Variants in IL34 observed in about 807,000 individuals in gnomAD.
IL34 encodes the protein interleukin 34.
Under a neutral mutation model 25.3 loss-of-function variants are expected in IL34, and 17 were observed. That is an observed-to-expected ratio of 0.67 (90% CI 0.46 to 1.01). The LOEUF is 1.01. Among genes scored for constraint, IL34 ranks in the 50% least tolerant of loss-of-function variants. IL34 has a pLI of 0.00. For missense variants in IL34, 368 were observed against 312.9 expected, an observed-to-expected ratio of 1.18 and a Z score of -1.33; for synonymous variants, 174 against 140.9, an observed-to-expected ratio of 1.23 and a Z score of -1.66.
chr16:70,596,132 C>T (rs1297967940), intron 1 of IL34, among the ~76,000 whole-genome samples: 5 of 152,142 alleles, frequency 3.3e-5, no homozygotes, highest in Non-Finnish European at 7.3e-5. Context: ...GGTGTGGGCC[C>T]TTGTCCTAGG....
chr16:70,655,584 G>A (rs912573431), intron 2 of IL34, among the ~76,000 whole-genome samples: 15 of 152,060 alleles, frequency 9.9e-5, no homozygotes, highest in African/African-American at 2.4e-4. Flanking sequence ...TAGAGACAGG[G>A]GTTCACCATG....
chr16:70,639,289 T>G (rs1385375530), intron 1 of IL34, among the ~76,000 whole-genome samples: 1 of 152,190 alleles, frequency 6.6e-6, no homozygotes, highest in South Asian at 2.1e-4. Context: ...CAATCTTGTT[T>G]GAGAAGCAGG....
intron 1 of IL34, among the ~76,000 whole-genome samples, chr16:70,631,132 T>C (rs1010646744): frequency 3.9e-5 from 6 of 152,228 alleles, no homozygotes; most frequent in African/African-American, 1.4e-4. Context: ...TATTAAGAAG[T>C]TTCCTTATAT....
chr16:70,609,790 G>A (rs2051063982), intron 1 of IL34, among the ~76,000 whole-genome samples: 2 of 152,216 alleles, frequency 1.3e-5, no homozygotes, highest in African/African-American at 4.8e-5. Flanking sequence ...GCAACCCCAT[G>A]AGGCTGGCAT....
chr16:70,619,355 GGAA>G (rs1264575231), intron 1 of IL34, among the ~76,000 whole-genome samples: 1 of 152,090 alleles, frequency 6.6e-6, no homozygotes, highest in Non-Finnish European at 1.5e-5. Context: ...CTTTGGATTG[GGAA>G]GAAGGGTGGC....
chr16:70,625,839 G>T (rs1414000806), intron 1 of IL34, among the ~76,000 whole-genome samples: 2 of 152,160 alleles, frequency 1.3e-5, no homozygotes, highest in East Asian at 3.8e-4. Context: ...AGGGAGATTG[G>T]AAAAGAGAGT....
At chr16:70,581,166 C>A (rs1461548754) in intron 1 of IL34, among the ~76,000 whole-genome samples, 3 of 152,288 alleles carry the variant, frequency 2.0e-5, no homozygotes, top group Non-Finnish European at 4.4e-5. Flanking sequence ...CCCACCTCGG[C>A]CTCCCAAAGT....
At chr16:70,634,580 T>C (rs940275447) in intron 1 of IL34, among the ~76,000 whole-genome samples, 21 of 151,574 alleles carry the variant, frequency 1.4e-4, no homozygotes, top group African/African-American at 4.6e-4. Flanking sequence ...CTCAGGAGGC[T>C]GAGGCAGGAG....
intron 4 of IL34, among the ~76,000 whole-genome samples, chr16:70,657,840 T>G (rs1468689172): frequency 6.6e-6 from 1 of 152,152 alleles, no homozygotes; most frequent in African/African-American, 2.4e-5. Context: ...ACATCATGCA[T>G]TTGTCACAAC....
chr16:70,628,499 T>G (rs544862190), intron 1 of IL34, among the ~76,000 whole-genome samples: 31 of 151,592 alleles, frequency 2.0e-4, no homozygotes, highest in African/African-American at 6.5e-4. Context: ...ATTTATTTTT[T>G]TTTTTGAGAC....
chr16:70,643,272 C>T (rs1358383513), upstream of IL34, among the ~76,000 whole-genome samples: 2 of 152,184 alleles, frequency 1.3e-5, no homozygotes, highest in African/African-American at 2.4e-5. Context: ...CCATATTGGC[C>T]AGGCTGGTCT....
At chr16:70,622,400 A>T (rs1370501350) in intron 1 of IL34, among the ~76,000 whole-genome samples, 3 of 152,052 alleles carry the variant, frequency 2.0e-5, no homozygotes, top group Non-Finnish European at 1.5e-5. Flanking sequence ...GTAGAACAGC[A>T]GATGGAACAC....
chr16:70,657,169 G>A (rs1481285697), intron 4 of IL34, 48 bp downstream of exon 4: 22 of 1,553,632 alleles, frequency 1.4e-5, no homozygotes, highest in Non-Finnish European at 1.5e-5. Flanking sequence ...GTGTGCACAC[G>A]TGTGTACATG....
intron 4 of IL34, among the ~76,000 whole-genome samples, chr16:70,658,125 C>T (rs2052282558): frequency 6.6e-6 from 1 of 152,174 alleles, no homozygotes; most frequent in South Asian, 2.1e-4. Context: ...CTGCCCTGCC[C>T]AGCCAGCTGC....
intron 4 of IL34, 44 bp from the exon 5 acceptor site, chr16:70,659,574 C>T (rs369331265): frequency 2.9e-5 from 45 of 1,565,474 alleles, no homozygotes; most frequent in African/African-American, 5.4e-5. Context: ...TCCTGGGGTG[C>T]GGCCCCATCT....
chr16:70,646,271 G>C (rs2051926756), upstream of IL34, among the ~76,000 whole-genome samples: 1 of 152,036 alleles, frequency 6.6e-6, no homozygotes, highest in Non-Finnish European at 1.5e-5. Flanking sequence ...GTCATTCATG[G>C]ACTCTACCAT....
chr16:70,632,053 G>C (rs1442198228), intron 1 of IL34, among the ~76,000 whole-genome samples: 1 of 149,946 alleles, frequency 6.7e-6, no homozygotes, highest in African/African-American at 2.5e-5. Flanking sequence ...AGTGAGTGGA[G>C]ATCGTGCCAC....
chr16:70,608,126 C>CT (rs869059231), intron 1 of IL34, among the ~76,000 whole-genome samples: 590 of 38,858 alleles, frequency 0.015, 4 homozygotes, highest in East Asian at 0.06. Flanking sequence ...TTTCTTTTTT[C>CT]TTTTTTTTTT....
At chr16:70,596,327 A>G (rs1361994318) in intron 1 of IL34, among the ~76,000 whole-genome samples, 1 of 152,178 alleles carries the variant, frequency 6.6e-6, no homozygotes, top group Non-Finnish European at 1.5e-5. Context: ...AGATATTCAG[A>G]CCATAGCAGC....
Sources: gnomAD v4.1 joint callset for allele counts (sites outside exome capture counted in the v4.1 genomes callset) on GRCh38, gnomAD v4.1.1 for gene constraint, MANE v1.5 for transcripts, NCBI Gene and HGNC (gene_info 2026-07-23, HGNC 2026-07-21) for gene names.